Variants in SGCD observed in about 807,000 individuals in gnomAD.
SGCD encodes sarcoglycan delta, also known as delta-sarcoglycan.
In SGCD, 18 loss-of-function variants were observed where a neutral mutation model predicts 36.6. The ratio of observed to expected loss-of-function variants is 0.49; its 90% confidence interval spans 0.34 to 0.73. SGCD has a LOEUF of 0.73. Among genes scored for constraint, SGCD ranks in the 30% least tolerant of loss-of-function variants. The probability of loss-of-function intolerance (pLI) is 0.01; values close to 1 mark genes in which losing one functional copy is unlikely to be tolerated. For synonymous variants in SGCD, 133 were observed against 130.6 expected (o/e 1.02, Z -0.12); for missense variants, 387 against 346.7 (o/e 1.12, Z -0.92).
intron 6 of SGCD, among the ~76,000 whole-genome samples, chr5:156,604,248 C>G (rs916898329): frequency 3.3e-5 from 5 of 151,688 alleles, no homozygotes; most frequent in African/African-American, 9.7e-5. Flanking sequence ...AATGGACTGT[C>G]TTTTTTCATT....
At chr5:156,556,085 C>T (rs1759007050) in intron 4 of SGCD, among the ~76,000 whole-genome samples, 2 of 147,822 alleles carry the variant, frequency 1.4e-5, no homozygotes, top group Admixed American at 6.7e-5. Flanking sequence ...ACTTGAACAC[C>T]TAATATCTAA....
chr5:155,735,679 A>T, the SGCD span, among the ~76,000 whole-genome samples: 1 of 152,234 alleles, frequency 6.6e-6, no homozygotes, highest in Non-Finnish European at 1.5e-5. Context: ...ACAGCCTGCA[A>T]CAGCACAATT....
intron 6 of SGCD, among the ~76,000 whole-genome samples, chr5:156,613,377 C>A (rs1460665263): frequency 6.6e-6 from 1 of 152,136 alleles, no homozygotes; most frequent in Non-Finnish European, 1.5e-5. Flanking sequence ...ATGTTTGGAC[C>A]AATGGATTTT....
intron 3 of SGCD, among the ~76,000 whole-genome samples, chr5:156,211,783 A>G (rs1335008430): frequency 6.6e-6 from 1 of 152,106 alleles, no homozygotes; most frequent in Admixed American, 6.5e-5. Flanking sequence ...TAGAAGACAA[A>G]ATTATTTAAA....
rs1757476932 is a variant in SGCD at position 156,760,293 on chromosome 5, A to G, written c.*903A>G. 6.6e-6 allele frequency: 1 copy of G among 152,180 alleles called. No individual in the cohort carries two copies. Among genetic ancestry groups the G allele is most frequent in the Non-Finnish European group, 1.5e-5 (1 of 68,042 alleles). The allele number at this position is 152,180 out of a possible 1,614,324, so 9.4% of individuals were successfully genotyped here. ...TTCTGACTTTAACCAAAAGATTTCA[A>G]CCCACAATGATCAGGTCAATCAAAA... is the stretch of plus-strand genomic sequence containing the variant. On this transcript the variant is annotated 3_prime_UTR_variant, in exon 9 of 9. Coordinates refer to ENST00000337851, the MANE Select transcript of SGCD (RefSeq NM_000337.6).
At chr5:155,913,304 T>C (rs2113361092) in intron 1 of SGCD, among the ~76,000 whole-genome samples, 1 of 152,300 alleles carries the variant, frequency 6.6e-6, no homozygotes, top group Admixed American at 6.5e-5. Flanking sequence ...TGTCTGCAAA[T>C]GACTTGCATG....
rs1487679813 is a variant in SGCD, at chr5:156,061,438, G to A, written c.-281-56440G>A. On this transcript the variant is annotated intron_variant, in intron 1 of 9. Coordinates refer to the SGCD transcript ENST00000517913. ...TAGAAACCAAATGTGACAGGCTAATGGATGTTTTTAAATTCATACACTATA... is the reference window on the plus strand; with the variant it reads ...TAGAAACCAAATGTGACAGGCTAATAGATGTTTTTAAATTCATACACTATA... Among the ~76,000 whole-genome samples, 6 of 145,946 alleles carry A rather than the reference G, an allele frequency of 4.1e-5. 1 individual carries two copies. Among genetic ancestry groups the A allele is most frequent in the African/African-American group, 7.4e-5 (3 of 40,542 alleles).
intron 1 of SGCD, among the ~76,000 whole-genome samples, chr5:156,099,871 T>C (rs981340936): frequency 1.4e-4 from 21 of 152,120 alleles, no homozygotes; most frequent in Non-Finnish European, 1.9e-4. Flanking sequence ...AACAGATAGC[T>C]AATATACCCA....
the SGCD span, among the ~76,000 whole-genome samples, chr5:155,821,590 G>T: frequency 6.6e-6 from 1 of 152,228 alleles, no homozygotes; most frequent in East Asian, 1.9e-4. Context: ...TGGGATTACA[G>T]GTGTGAGCTA....
At chr5:156,445,487 A>G (rs990010412) in intron 3 of SGCD, among the ~76,000 whole-genome samples, 5 of 152,160 alleles carry the variant, frequency 3.3e-5, no homozygotes, top group African/African-American at 7.2e-5. Context: ...AAGTAGAGCT[A>G]TAACTTCTCA....
intron 1 of SGCD, among the ~76,000 whole-genome samples, chr5:156,096,512 T>A (rs1472657837): frequency 2.6e-5 from 4 of 151,962 alleles, no homozygotes; most frequent in Admixed American, 1.3e-4. Context: ...TTCCAATAAC[T>A]TATATTGAGT....
chr5:155,830,290 T>A, the SGCD span, among the ~76,000 whole-genome samples: 1 of 152,206 alleles, frequency 6.6e-6, no homozygotes, highest in African/African-American at 2.4e-5. Flanking sequence ...TGCAGAATAC[T>A]ACTTTTTTGC....
At chr5:156,232,246 A>T (rs1316844893) in intron 3 of SGCD, among the ~76,000 whole-genome samples, 1 of 152,244 alleles carries the variant, frequency 6.6e-6, no homozygotes, top group Non-Finnish European at 1.5e-5. Flanking sequence ...TTAAAAATCC[A>T]TAGTGACATG....
intron 1 of SGCD, among the ~76,000 whole-genome samples, chr5:156,067,807 G>A (rs1271831163): frequency 2.9e-5 from 4 of 138,556 alleles, no homozygotes; most frequent in Admixed American, 6.9e-5. Flanking sequence ...GCTCGCGCAC[G>A]GTGCGCACAC....
intron 6 of SGCD, among the ~76,000 whole-genome samples, chr5:156,630,053 G>A (rs1228289568): frequency 6.6e-6 from 1 of 151,776 alleles, no homozygotes; most frequent in African/African-American, 2.4e-5. Context: ...AGTAGAGATG[G>A]GGTTTCACCA....
chr5:155,917,580 G>C (rs1316180616), intron 1 of SGCD, among the ~76,000 whole-genome samples: 1 of 152,134 alleles, frequency 6.6e-6, no homozygotes, highest in Non-Finnish European at 1.5e-5. Flanking sequence ...CTTTTCTACT[G>C]TTTTCAATGG....
At chr5:156,380,097 G>C (rs1770896085) in intron 3 of SGCD, among the ~76,000 whole-genome samples, 1 of 152,088 alleles carries the variant, frequency 6.6e-6, no homozygotes, top group Non-Finnish European at 1.5e-5. Context: ...AGAGTTCTTG[G>C]TGGTTGAGTC....
At chr5:155,841,042 A>T in the SGCD span, among the ~76,000 whole-genome samples, 2,357 of 62,820 alleles carry the variant, frequency 0.038, 78 homozygotes, top group African/African-American at 0.12. Context: ...AGACTGGGGC[A>T]CTGGGGCACT....
chr5:155,785,832 A>G, the SGCD span, among the ~76,000 whole-genome samples: 37 of 152,322 alleles, frequency 2.4e-4, no homozygotes, highest in Middle Eastern at 3.4e-3. Context: ...CAGAAGATCA[A>G]TAGAGCTATA....
Sources: allele counts gnomAD v4.1 joint callset (sites outside exome capture counted in the v4.1 genomes callset), GRCh38; gene constraint gnomAD v4.1.1; transcripts MANE v1.5; gene names NCBI Gene and HGNC (gene_info 2026-07-23, HGNC 2026-07-21).